Variants in NALF1 observed in about 807,000 individuals in gnomAD.
NALF1 encodes NALCN channel auxiliary factor 1.
A neutral mutation model predicts 48.4 loss-of-function variants in NALF1; 3 were observed. The observed-to-expected ratio is 0.06, with a 90% CI of 0.03 to 0.16. NALF1 has a LOEUF of 0.16. NALF1 is among the 10% of genes least tolerant of loss of function. The probability of loss-of-function intolerance (pLI) is 1.00; values close to 1 mark genes in which losing one functional copy is unlikely to be tolerated. For missense variants in NALF1, 526 were observed against 571.5 expected (o/e 0.92, Z 0.81); for synonymous variants, 262 against 245.7 (o/e 1.07, Z -0.62).
At chr13:107,425,622 CGAT>C (rs1884266648) in intron 1 of NALF1, among the ~76,000 whole-genome samples, 1 of 151,770 alleles carries the variant, frequency 6.6e-6, no homozygotes, top group Non-Finnish European at 1.5e-5. Flanking sequence ...CTGTATATTA[CGAT>C]GATATTGAAT....
intron 1 of NALF1, among the ~76,000 whole-genome samples, chr13:107,301,022 G>A (rs1427560336): frequency 6.6e-6 from 1 of 152,166 alleles, no homozygotes; most frequent in Non-Finnish European, 1.5e-5. Context: ...TTCAGAGTTT[G>A]CAAAATACCC....
chr13:107,369,000 C>T (rs1239259761), intron 1 of NALF1, among the ~76,000 whole-genome samples: 1 of 152,232 alleles, frequency 6.6e-6, no homozygotes, highest in African/African-American at 2.4e-5. Flanking sequence ...ATTCCCTTTA[C>T]ACGAAATGCA....
chr13:107,197,592 C>A (rs923607430), intron 2 of NALF1, among the ~76,000 whole-genome samples: 2 of 152,222 alleles, frequency 1.3e-5, no homozygotes, highest in Admixed American at 6.5e-5. Context: ...TCACTGCATC[C>A]ACTCTCGTGT....
chr13:107,447,146 G>GCTCCTTC (rs1594067860), intron 1 of NALF1, among the ~76,000 whole-genome samples: 1 of 152,154 alleles, frequency 6.6e-6, no homozygotes, highest in East Asian at 1.9e-4. Context: ...GGGGCCAGCA[G>GCTCCTTC]CTCCTTCCTC....
intron 1 of NALF1, among the ~76,000 whole-genome samples, chr13:107,230,603 T>G (rs1025178259): frequency 2.0e-5 from 3 of 151,998 alleles, no homozygotes; most frequent in Non-Finnish European, 4.4e-5. Context: ...TAATAAAAAT[T>G]TATTACTTGC....
intron 1 of NALF1, among the ~76,000 whole-genome samples, chr13:107,221,869 G>A (rs1220772235): frequency 2.6e-5 from 4 of 152,206 alleles, no homozygotes; most frequent in African/African-American, 7.2e-5. Flanking sequence ...TACTGTAAGT[G>A]TAGAGTTGTT....
At chr13:107,732,097 C>G (rs1386182784) in intron 1 of NALF1, among the ~76,000 whole-genome samples, 2 of 152,114 alleles carry the variant, frequency 1.3e-5, no homozygotes, top group Non-Finnish European at 2.9e-5. Context: ...GAATCTTTGA[C>G]TCTCTATCAG....
chr13:107,247,987 C>T (rs769968791), intron 1 of NALF1, among the ~76,000 whole-genome samples: 3 of 152,054 alleles, frequency 2.0e-5, no homozygotes, highest in South Asian at 4.1e-4. Context: ...AAGCCAAGAG[C>T]ACCAACAATG....
chr13:107,217,721 C>T (rs990881934), intron 1 of NALF1, among the ~76,000 whole-genome samples: 1 of 152,092 alleles, frequency 6.6e-6, no homozygotes, highest in Non-Finnish European at 1.5e-5. Context: ...GCCCTGTGAG[C>T]CTGCTTCCTC....
At chr13:107,255,834 C>G (rs1880803273) in intron 1 of NALF1, among the ~76,000 whole-genome samples, 1 of 152,006 alleles carries the variant, frequency 6.6e-6, no homozygotes, top group African/African-American at 2.4e-5. Flanking sequence ...TGAAGCCAAC[C>G]CTTTAATTGC....
At chr13:107,734,702 A>G (rs1276720878) in intron 1 of NALF1, among the ~76,000 whole-genome samples, 1 of 152,174 alleles carries the variant, frequency 6.6e-6, no homozygotes, top group Non-Finnish European at 1.5e-5. Flanking sequence ...TTCATAAAGT[A>G]CAGATAATGC....
At chr13:107,794,774 G>A (rs1341061182) in intron 1 of NALF1, among the ~76,000 whole-genome samples, 2 of 151,952 alleles carry the variant, frequency 1.3e-5, no homozygotes, top group Admixed American at 6.6e-5. Flanking sequence ...AGGAAGCACT[G>A]AATAATTATT....
chr13:107,314,647 G>A (rs1882109827), intron 1 of NALF1, among the ~76,000 whole-genome samples: 1 of 152,012 alleles, frequency 6.6e-6, no homozygotes, highest in Non-Finnish European at 1.5e-5. Context: ...ACTTCCTCCT[G>A]CCCTAGTCTT....
chr13:107,860,055 T>A (rs2138649239), intron 1 of NALF1, among the ~76,000 whole-genome samples: 1 of 152,086 alleles, frequency 6.6e-6, no homozygotes, highest in East Asian at 1.9e-4. Context: ...TGAATTAAAC[T>A]TAAAAAATAA....
chr13:107,742,074 C>T (rs1018396328), intron 1 of NALF1, among the ~76,000 whole-genome samples: 2 of 152,156 alleles, frequency 1.3e-5, no homozygotes, highest in African/African-American at 4.8e-5. Context: ...GCACCATGTT[C>T]TCAGGAAACA....
chr13:107,477,013 A>G (rs1358625879), intron 1 of NALF1, among the ~76,000 whole-genome samples: 2 of 152,122 alleles, frequency 1.3e-5, no homozygotes, highest in Admixed American at 1.3e-4. Context: ...CACTAATGGC[A>G]TTTGCAGTCA....
At chr13:107,560,943 T>C (rs1261061837) in intron 1 of NALF1, among the ~76,000 whole-genome samples, 1 of 152,230 alleles carries the variant, frequency 6.6e-6, no homozygotes, top group East Asian at 1.9e-4. Context: ...CCACCCACCA[T>C]TAACCCCGTA....
chr13:107,808,713 A>G (rs190297335), intron 1 of NALF1, among the ~76,000 whole-genome samples: 1 of 152,254 alleles, frequency 6.6e-6, no homozygotes, highest in African/African-American at 2.4e-5. Context: ...TAGGAGAACA[A>G]AGTGGAAAGC....
At chr13:107,507,169 T>C (rs1000213841) in intron 1 of NALF1, among the ~76,000 whole-genome samples, 2 of 152,120 alleles carry the variant, frequency 1.3e-5, no homozygotes, top group Non-Finnish European at 2.9e-5. Context: ...AAAATAATTA[T>C]TCAGATCTGT....
Sources: allele counts gnomAD v4.1 joint callset (sites outside exome capture counted in the v4.1 genomes callset), GRCh38; gene constraint gnomAD v4.1.1; transcripts MANE v1.5; gene names NCBI Gene and HGNC (gene_info 2026-07-23, HGNC 2026-07-21).